ARHGAP6: variants seen among roughly 807,000 people sequenced by gnomAD.
ARHGAP6 encodes the protein Rho GTPase activating protein 6.
In ARHGAP6, 16 loss-of-function variants were observed where a neutral mutation model predicts 55.7. The ratio of observed to expected loss-of-function variants is 0.29; its 90% CI spans 0.19 to 0.44. The LOEUF is 0.44. Ranked by LOEUF, ARHGAP6 falls within the 20% of genes least tolerant of loss-of-function variation. The probability of loss-of-function intolerance (pLI) is 1.00; values close to 1 mark genes in which losing one functional copy is unlikely to be tolerated. For missense variants in ARHGAP6, 698 were observed against 808.9 expected (o/e 0.86, Z 1.66); for synonymous variants, 382 against 360.9 (o/e 1.06, Z -0.66).
chrX:11,306,691 C>T (rs1411932026), intron 1 of ARHGAP6, among the ~76,000 whole-genome samples: 2 of 112,129 alleles, frequency 1.8e-5, no homozygotes, highest in East Asian at 2.8e-4. Flanking sequence ...ATTCGTCATC[C>T]GCCTCTAGGA....
intron 1 of ARHGAP6, among the ~76,000 whole-genome samples, chrX:11,282,484 A>T (rs1040623405): frequency 8.9e-6 from 1 of 112,321 alleles, no homozygotes; most frequent in African/African-American, 3.2e-5. Context: ...TCCACCAATG[A>T]CATTGAATGG....
In ARHGAP6 at chrX:11,660,541, A is replaced by C. The variant is rs866885627; in HGVS notation, c.588+3700T>G. ...GACTCTCTCTCTCTCAAAAAAAAAA[A>C]AAAAAAAAAAAAAAAAAAAAAAAAA... On this transcript the variant is annotated intron_variant, in intron 1 of 12. Coordinates refer to ENST00000337414, the MANE Select transcript of ARHGAP6 (RefSeq NM_013427.3). 2.1e-3 allele frequency among the ~76,000 whole-genome samples: 51 copies of C among 24,401 alleles called. 1 individual carries two copies. Among genetic ancestry groups the C allele is most frequent in the African/African-American group, 0.011 (46 of 4,207 alleles). 21.2% of individuals were successfully genotyped at this position (24,401 alleles called of 115,157 possible).
chrX:11,354,315 CTCTCTCTCTCTCTATATATATATA>C (rs2048903443), intron 1 of ARHGAP6, among the ~76,000 whole-genome samples: 1 of 67,567 alleles, frequency 1.5e-5, no homozygotes, highest in Non-Finnish European at 2.7e-5. Flanking sequence ...CTCTCTCTCT[CTCTCTCTCTCTCTATATATATATA>C]TATATATATA....
At chrX:11,362,065 A>T (rs1416511888) in intron 1 of ARHGAP6, among the ~76,000 whole-genome samples, 1 of 111,979 alleles carries the variant, frequency 8.9e-6, no homozygotes, top group Non-Finnish European at 1.9e-5. Flanking sequence ...TGGGACTGCA[A>T]ACTAGTTCAA....
At chrX:11,169,769 TCTC>T in intron 8 of ARHGAP6, 85 bp from the exon 9 acceptor site, 1 of 752,102 alleles carries the variant, frequency 1.3e-6, no homozygotes, top group Non-Finnish European at 1.8e-6. Flanking sequence ...AACCTTTTAC[TCTC>T]CTTTTTTTTT....
chrX:11,559,667 C>T (rs2051362434), intron 1 of ARHGAP6, among the ~76,000 whole-genome samples: 1 of 111,106 alleles, frequency 9.0e-6, no homozygotes, highest in Non-Finnish European at 1.9e-5. Flanking sequence ...GTGGCTCACG[C>T]CTGTAATCCC....
At chrX:11,214,492 G>T (rs914714549) in intron 2 of ARHGAP6, among the ~76,000 whole-genome samples, 1 of 112,826 alleles carries the variant, frequency 8.9e-6, no homozygotes, top group African/African-American at 3.2e-5. Flanking sequence ...AACGAGCCTG[G>T]GGGCAAGGTC....
intron 1 of ARHGAP6, among the ~76,000 whole-genome samples, chrX:11,256,034 C>A (rs17255559): frequency 1.2e-4 from 13 of 111,432 alleles, no homozygotes; most frequent in Non-Finnish European, 2.5e-4. Flanking sequence ...TACTGGCCCA[C>A]GCAGGGACTC....
At chrX:11,190,920 C>T (rs187707588) in intron 3 of ARHGAP6, among the ~76,000 whole-genome samples, 1 of 112,476 alleles carries the variant, frequency 8.9e-6, no homozygotes, top group African/African-American at 3.2e-5. Context: ...ACCTGCTGTA[C>T]CTGTGCCCTC....
At chrX:11,520,397 T>C (rs2050908689) in intron 1 of ARHGAP6, among the ~76,000 whole-genome samples, 1 of 103,396 alleles carries the variant, frequency 9.7e-6, no homozygotes, top group African/African-American at 3.5e-5. Context: ...GACCTATGAG[T>C]GAGAACACGC....
chrX:11,363,060 A>T (rs777149242), intron 1 of ARHGAP6, among the ~76,000 whole-genome samples: 29 of 112,015 alleles, frequency 2.6e-4, no homozygotes, highest in Non-Finnish European at 5.1e-4. Flanking sequence ...TATGAATTAA[A>T]GTTAAGGTAG....
intron 1 of ARHGAP6, among the ~76,000 whole-genome samples, chrX:11,282,383 T>A (rs777647685): frequency 8.9e-6 from 1 of 111,878 alleles, no homozygotes; most frequent in Non-Finnish European, 1.9e-5. Context: ...GTTTTCTGAG[T>A]GCTCACTGTG....
At chrX:11,445,132 T>C (rs2050080351) in intron 1 of ARHGAP6, among the ~76,000 whole-genome samples, 1 of 112,614 alleles carries the variant, frequency 8.9e-6, no homozygotes, top group Non-Finnish European at 1.9e-5. Context: ...AAGAACATTC[T>C]TTTAAAAGCA....
intron 1 of ARHGAP6, among the ~76,000 whole-genome samples, chrX:11,519,771 A>G (rs1233808321): frequency 9.3e-6 from 1 of 108,036 alleles, no homozygotes; most frequent in Non-Finnish European, 1.9e-5. Context: ...TGCTGGGAAA[A>G]CTGGCTAGCC....
intron 1 of ARHGAP6, among the ~76,000 whole-genome samples, chrX:11,341,979 A>G (rs1418739660): frequency 2.4e-5 from 2 of 84,416 alleles, no homozygotes; most frequent in African/African-American, 9.8e-5. Flanking sequence ...ACTGACTTTC[A>G]TCCATTAGAA....
intron 1 of ARHGAP6, among the ~76,000 whole-genome samples, chrX:11,259,022 A>G (rs1201131830): frequency 1.8e-5 from 2 of 111,841 alleles, no homozygotes; most frequent in Admixed American, 1.9e-4. Flanking sequence ...TTAAAAATGT[A>G]CAGTTAAGTT....
At chrX:11,407,683 A>T (rs1408666450) in intron 1 of ARHGAP6, among the ~76,000 whole-genome samples, 6 of 111,733 alleles carry the variant, frequency 5.4e-5, no homozygotes, top group Non-Finnish European at 1.1e-4. Context: ...CATCATTACT[A>T]TCCTGGTGGG....
At chrX:11,516,790 G>A (rs1330821460) in intron 1 of ARHGAP6, among the ~76,000 whole-genome samples, 3 of 111,720 alleles carry the variant, frequency 2.7e-5, no homozygotes, top group East Asian at 2.8e-4. Flanking sequence ...ATATGATTAT[G>A]CAAATATTTT....
intron 1 of ARHGAP6, among the ~76,000 whole-genome samples, chrX:11,271,999 T>C (rs994611605): frequency 2.7e-5 from 3 of 111,848 alleles, no homozygotes; most frequent in African/African-American, 6.5e-5. Context: ...TTATAATTAC[T>C]TGCTGTAGTT....
Sources: gnomAD v4.1 joint callset for allele counts (sites outside exome capture counted in the v4.1 genomes callset) on GRCh38, gnomAD v4.1.1 for gene constraint, MANE v1.5 for transcripts, NCBI Gene and HGNC (gene_info 2026-07-23, HGNC 2026-07-21) for gene names.